CA11: variants seen among roughly 807,000 people sequenced by gnomAD.
CA11 encodes the protein carbonic anhydrase 11 (inactive).
CA11 carries 20 observed loss-of-function variants against 39.3 expected under a neutral mutation model. The ratio of observed to expected loss-of-function variants is 0.51; its 90% CI spans 0.36 to 0.74. The LOEUF (loss-of-function observed/expected upper bound fraction) is 0.74, where lower values mean the gene tolerates loss of function less well. CA11 is among the 30% of genes least tolerant of loss of function. The pLI, the probability that CA11 is intolerant of heterozygous loss-of-function variation, is 0.00. For synonymous variants in CA11, 166 were observed against 172.5 expected (o/e 0.96, Z 0.29); for missense variants, 336 against 424.6 (o/e 0.79, Z 1.83).
Position 48,645,734 on chromosome 19 carries a change from T to A in CA11, c.-102A>T. 1.1e-6 allele frequency: 1 copy of A among 947,554 alleles called. No homozygotes were observed. The highest frequency in any genetic ancestry group is 1.5e-6 in the Non-Finnish European group (1 of 671,542). 58.7% of individuals were successfully genotyped at this position (947,554 alleles called of 1,614,324 possible). A position where few individuals can be genotyped will look rare whatever the true frequency, so the allele number is the denominator to read the frequency against. ...ACCCTGTCCCTCCAGGACTTCCAGC[T>A]TTCCTCTCCTCCCCACAGGGAGTCC... On this transcript the variant is annotated 5_prime_UTR_variant, in exon 1 of 9. It adds an upstream start codon to the 5' untranslated region. Coordinates refer to ENST00000084798, the MANE Select transcript of CA11 (RefSeq NM_001217.5).
Position 48,639,010 on chromosome 19 carries a change from A to G in CA11, c.839T>C (p.Ile280Thr), listed in dbSNP as rs1272591945. ...GCTGTTACCGCTGAGGCTCTGGAAG[A>G]TCTGAGATGGAGGATTCTGGCTCAG... Reference protein sequence around the residue: ...RLLSQNPPSQIFQSLSGNSRP... With the variant: ...RLLSQNPPSQTFQSLSGNSRP... The change falls in exon 8 of 9, where the codon ATC becomes ACC. Residue 280 changes from isoleucine to threonine, a missense_variant. Coordinates refer to ENST00000084798, the MANE Select transcript of CA11 (RefSeq NM_001217.5). 2.5e-6 allele frequency: 4 copies of G among 1,613,848 alleles called. No homozygotes were observed. In the African/African-American group the frequency reaches 5.3e-5, roughly 22 times the overall value.
chr19:48,642,708 C>T (rs1490348788), intron 3 of CA11, among the ~76,000 whole-genome samples: 1 of 151,930 alleles, frequency 6.6e-6, no homozygotes, highest in Non-Finnish European at 1.5e-5. Flanking sequence ...AGAGGCAGGC[C>T]AGTGAGGAGG....
Position 48,639,887 on chromosome 19 carries a change from G to A in CA11, c.472-4C>T, listed in dbSNP as rs2031012285. On this transcript the variant is annotated splice_region_variant and splice_polypyrimidine_tract_variant and intron_variant, in intron 4 of 8. Transcript: ENST00000084798. ...GGTTGAAGTGAATGAGCTGCACCTG[G>A]GGGTAGCACAGAGCATGGGGTCCCC... is the stretch of plus-strand genomic sequence containing the variant. The A allele has an allele frequency of 6.2e-7, 1 of 1,613,496 alleles. No homozygotes were observed. Among genetic ancestry groups the A allele is most frequent in the Admixed American group, 1.7e-5 (1 of 60,000 alleles).
chr19:48,639,156 C>A, intron 7 of CA11, 103 bp from the exon 8 acceptor site: 1 of 1,529,682 alleles, frequency 6.5e-7, no homozygotes, highest in Non-Finnish European at 8.9e-7. Flanking sequence ...GGGGTCTGTT[C>A]TCAGCCCCAC....
At chr19:48,640,353 C>G in intron 3 of CA11, 73 bp from the exon 4 acceptor site, 2 of 704,614 alleles carry the variant, frequency 2.8e-6, no homozygotes, top group South Asian at 1.7e-5. Context: ...CCTACATTTT[C>G]TGATTCCAAC....
Position 48,640,085 on chromosome 19 carries a change from T to C in CA11, c.471+10A>G. 1 of 1,608,402 alleles carries C rather than the reference T, an allele frequency of 6.2e-7. No homozygotes were observed. The highest frequency in any genetic ancestry group is 8.5e-7 in the Non-Finnish European group (1 of 1,175,624). ...CGGAGGGTGGCGGGTAAACAATCAG[T>C]GGCCACTACCTCAGCAGAGAAGCCC... On this transcript the variant is annotated intron_variant, in intron 4 of 8. Coordinates refer to ENST00000084798, the MANE Select transcript of CA11 (RefSeq NM_001217.5).
chr19:48,640,010 G>A, intron 4 of CA11, 85 bp downstream of exon 4: 1 of 1,513,010 alleles, frequency 6.6e-7, no homozygotes, highest in Non-Finnish European at 9.1e-7. Context: ...GGAGGAGGAT[G>A]GGGTGAGACA....
chr19:48,638,743 G>C (rs865871689), intron 8 of CA11, 145 bp downstream of exon 8: 2 of 905,388 alleles, frequency 2.2e-6, no homozygotes, highest in Non-Finnish European at 3.3e-6. Flanking sequence ...GACATGTAGG[G>C]AAAGAGAGAA....
Position 48,639,401 on chromosome 19 carries a change from G to T in CA11, c.699C>A (p.Gly233=). ...TGAGAGAGCCCTGATAGGTGATGAA[G>T]CCGAAGGATTCAGGGAACAGGAGCT... ...SLELLFPESF[G]FITYQGSLST... The change falls in exon 7 of 9, where the codon GGC becomes GGA. Residue 233 remains glycine (G), a synonymous_variant. Transcript: ENST00000084798. 6.2e-7 allele frequency: 1 copy of T among 1,613,832 alleles called. No individual in the cohort carries two copies. Among genetic ancestry groups the T allele is most frequent in the Non-Finnish European group, 8.5e-7 (1 of 1,179,928 alleles).
Position 48,638,079 on chromosome 19 carries a change from G to A in CA11, c.*40C>T. ...GGGGTAACTCCCCTCGCCTTGTGGGGAGGCTTAGGACGGGCGGGTGCAATC... is the reference window on the plus strand; with the variant it reads ...GGGGTAACTCCCCTCGCCTTGTGGGAAGGCTTAGGACGGGCGGGTGCAATC... On this transcript the variant is annotated 3_prime_UTR_variant, in exon 9 of 9. Coordinates refer to ENST00000084798, the MANE Select transcript of CA11 (RefSeq NM_001217.5). The A allele has an allele frequency of 2.1e-6, 3 of 1,437,244 alleles. No individual in the cohort carries two copies. Among genetic ancestry groups the A allele is most frequent in the Non-Finnish European group, 1.8e-6 (2 of 1,087,530 alleles). 89.0% of individuals were successfully genotyped at this position (1,437,244 alleles called of 1,614,324 possible).
rs1257706512 is a variant in CA11, at chr19:48,638,389, G to A, written c.962-245C>T. The A allele has an allele frequency of 1.5e-5, 7 of 475,930 alleles. No homozygotes were observed. The South Asian group carries it at 4.6e-4, about 31-fold the overall frequency. 29.5% of individuals were successfully genotyped at this position (475,930 alleles called of 1,614,324 possible). A position where few individuals can be genotyped will look rare whatever the true frequency, so the allele number is the denominator to read the frequency against. ...AAGGTCTTCATGGGGGGGGGGGGGT[G>A]TGGACTGTACCATGTTGCGAAGCCG... On this transcript the variant is annotated intron_variant, in intron 8 of 8. Coordinates refer to ENST00000084798, the MANE Select transcript of CA11 (RefSeq NM_001217.5).
At position 48,643,290 on chromosome 19, in the gene CA11, A is replaced by T. The variant is rs1289336983; in HGVS notation, c.285+1137T>A. On this transcript the variant is annotated intron_variant, in intron 3 of 8. Coordinates refer to ENST00000084798, the MANE Select transcript of CA11 (RefSeq NM_001217.5). This position sits in a 1 kb window ranked among gnomAD's most constrained non-coding sequence, Gnocchi z 4.3. ...AGTGGCGTGATGTCAGCTCACTGCA[A>T]CCTCCGCCTCCCGGGTTCAAGCAAT... Among the ~76,000 whole-genome samples the T allele has an allele frequency of 6.6e-6, 1 of 151,760 alleles. No homozygotes were observed. The highest frequency in any genetic ancestry group is 2.4e-5 in the African/African-American group (1 of 41,252).
At position 48,639,868 on chromosome 19, in the gene CA11, A is replaced by G; in HGVS notation, c.487T>C (p.Phe163Leu). The G allele has an allele frequency of 6.2e-7, 1 of 1,614,110 alleles. No individual in the cohort carries two copies. Among genetic ancestry groups the G allele is most frequent in the African/African-American group, 1.3e-5 (1 of 75,042 alleles). ...GFSAEVQLIH[F>L]NQELYGNFSA... ...AAATTCCCGTAGAGTTCCTGGTTGAAGTGAATGAGCTGCACCTGGGGGTAG... is the reference window on the plus strand; with the variant it reads ...AAATTCCCGTAGAGTTCCTGGTTGAGGTGAATGAGCTGCACCTGGGGGTAG... The change falls in exon 5 of 9, where the codon TTC (phenylalanine) becomes CTC (leucine). Residue 163 changes from phenylalanine (F) to leucine (L), a missense_variant. Phe to Leu is a conservative substitution (Grantham distance 22, BLOSUM62 0). Coordinates refer to ENST00000084798, the MANE Select transcript of CA11 (RefSeq NM_001217.5).
intron 3 of CA11, among the ~76,000 whole-genome samples, chr19:48,640,972 C>CT (rs1450036626): frequency 1.3e-4 from 14 of 109,688 alleles, no homozygotes; most frequent in African/African-American, 3.4e-4. Context: ...CCGCGCCCGG[C>CT]TTTTTGTTTT....
intron 6 of CA11, 42 bp from the exon 7 acceptor site, chr19:48,639,501 T>C: frequency 6.2e-7 from 1 of 1,613,986 alleles, no homozygotes; most frequent in Non-Finnish European, 8.5e-7. Flanking sequence ...ATGGCACTCT[T>C]GAACCCCCTC....
In CA11 at chr19:48,638,008, A is replaced by T; in HGVS notation, c.*111T>A. ...TCCCCACCGCGCCTAGAATCAGACC[A>T]CTGAGAAAACAGGAAGTATTCTGTC... On this transcript the variant is annotated 3_prime_UTR_variant, in exon 9 of 9. Coordinates refer to ENST00000084798, the MANE Select transcript of CA11 (RefSeq NM_001217.5). 1.4e-6 allele frequency: 1 copy of T among 730,070 alleles called. No homozygotes were observed. The highest frequency in any genetic ancestry group is 2.6e-5 in the South Asian group (1 of 38,272). 45.2% of individuals were successfully genotyped at this position (730,070 alleles called of 1,614,324 possible).
Position 48,639,859 on chromosome 19 carries a change from C to T in CA11, c.496G>A (p.Glu166Lys), listed in dbSNP as rs1394848311. 1.2e-6 allele frequency: 2 copies of T among 1,614,116 alleles called. No homozygotes were observed. The highest frequency in any genetic ancestry group is 2.7e-5 in the African/African-American group (2 of 75,036). The change falls in exon 5 of 9, where the codon GAA (glutamate) becomes AAA (lysine). Residue 166 changes from glutamate to lysine, a missense_variant. By Grantham distance (56) the Glu-to-Lys change is moderately conservative. Transcript: ENST00000084798. ...GCAGCGCTGAAATTCCCGTAGAGTT[C>T]CTGGTTGAAGTGAATGAGCTGCACC... ...AEVQLIHFNQ[E>K]LYGNFSAASR...
chr19:48,640,794 C>A (rs1330528282), intron 3 of CA11, among the ~76,000 whole-genome samples: 1 of 152,084 alleles, frequency 6.6e-6, no homozygotes, highest in Non-Finnish European at 1.5e-5. Flanking sequence ...CCTGCCTCAG[C>A]CTCCAGAGTG....
Position 48,643,768 on chromosome 19 carries a change from A to G in CA11, c.285+659T>C, listed in dbSNP as rs1404211928. On this transcript the variant is annotated intron_variant, in intron 3 of 8. Coordinates refer to ENST00000084798, the MANE Select transcript of CA11 (RefSeq NM_001217.5). This position sits in a 1 kb window ranked among gnomAD's most constrained non-coding sequence, Gnocchi z 4.3. ...GCAAGTAACTTAACCTCTGTGTGTC[A>G]GTTTCTGCATGTATATAATAAGGTT... Among the ~76,000 whole-genome samples, 1 of 152,040 alleles carries G rather than the reference A, an allele frequency of 6.6e-6. No individual in the cohort carries two copies. Among genetic ancestry groups the G allele is most frequent in the African/African-American group, 2.4e-5 (1 of 41,398 alleles).
Sources: gnomAD v4.1 joint callset for allele counts (sites outside exome capture counted in the v4.1 genomes callset) on GRCh38, gnomAD v4.1.1 for gene constraint, Gnocchi (gnomAD v3.1) non-coding constraint, MANE v1.5 for transcripts, NCBI Gene and HGNC (gene_info 2026-07-23, HGNC 2026-07-21) for gene names.